TMEFF1: variants seen among roughly 807,000 people sequenced by gnomAD.
TMEFF1 encodes the protein tomoregulin-1.
TMEFF1 carries 20 observed loss-of-function variants against 47.5 expected under a neutral mutation model. The ratio of observed to expected loss-of-function variants is 0.42; its 90% CI spans 0.30 to 0.61. The LOEUF (loss-of-function observed/expected upper bound fraction) is 0.61. Among genes scored for constraint, TMEFF1 ranks in the 20% least tolerant of loss-of-function variants. TMEFF1 has a pLI of 0.19. For missense variants in TMEFF1, 411 were observed against 471.1 expected, an observed-to-expected ratio of 0.87 and a Z score of 1.18; for synonymous variants, 162 against 166.3, an observed-to-expected ratio of 0.97 and a Z score of 0.20.
chr9:100,532,217 C>T (rs1382223951), intron 5 of TMEFF1, among the ~76,000 whole-genome samples: 2 of 151,808 alleles, frequency 1.3e-5, no homozygotes, highest in African/African-American at 2.4e-5. Flanking sequence ...AAAGCAATGG[C>T]AACAAAAGCC....
chr9:100,476,714 T>TTTGG (rs1837236490), intron 1 of TMEFF1, among the ~76,000 whole-genome samples: 1 of 150,524 alleles, frequency 6.6e-6, no homozygotes, highest in Non-Finnish European at 1.5e-5. Flanking sequence ...TTTTTTTTTT[T>TTTGG]GAGACGGAGT....
At chr9:100,565,807 A>G (rs1378723441) in intron 8 of TMEFF1, among the ~76,000 whole-genome samples, 1 of 152,148 alleles carries the variant, frequency 6.6e-6, no homozygotes, top group Non-Finnish European at 1.5e-5. Context: ...ACTTTTATTT[A>G]TTCCATCTTG....
At chr9:100,481,939 G>A (rs139403771) in intron 1 of TMEFF1, among the ~76,000 whole-genome samples, 70 of 151,730 alleles carry the variant, frequency 4.6e-4, no homozygotes, top group South Asian at 8.4e-4. Context: ...ATACCACTAC[G>A]CCCAGCTAAT....
intron 5 of TMEFF1, among the ~76,000 whole-genome samples, chr9:100,532,669 A>T (rs1300859463): frequency 2.0e-5 from 3 of 151,690 alleles, no homozygotes; most frequent in South Asian, 4.2e-4. Flanking sequence ...CCATTGTGGA[A>T]GTCAGTGTGG....
At position 100,473,744 on chromosome 9, in the gene TMEFF1, G is replaced by A; in HGVS notation, c.196+4G>A. On this transcript the variant is annotated splice_donor_region_variant and intron_variant, in intron 1 of 9. Coordinates refer to ENST00000374879, the MANE Select transcript of TMEFF1 (RefSeq NM_003692.5). This position sits in a 1 kb window ranked among gnomAD's most constrained non-coding sequence, Gnocchi z 5.4. ...GGCAAGAGCATCAACTGCTCAGGTA[G>A]GACCGGTCGGAGCCGGCCCTAGGTC... 6.6e-7 allele frequency: 1 copy of A among 1,511,468 alleles called. No individual in the cohort carries two copies. Among genetic ancestry groups the A allele is most frequent in the Non-Finnish European group, 8.9e-7 (1 of 1,126,282 alleles). The allele number at this position is 1,511,468 out of a possible 1,614,324, so 93.6% of individuals were successfully genotyped here. A position where few individuals can be genotyped will look rare whatever the true frequency, so the allele number is the denominator to read the frequency against.
rs143136054 is a variant in TMEFF1 at position 100,481,450 on chromosome 9, A to G, written c.196+7710A>G. 6.7e-3 allele frequency among the ~76,000 whole-genome samples: 1,016 copies of G among 152,354 alleles called. 11 individuals are homozygous for G. Among genetic ancestry groups the G allele is most frequent in the Middle Eastern group, 0.01 (3 of 294 alleles). On this transcript the variant is annotated intron_variant, in intron 1 of 9. Transcript: ENST00000374879. ...AGGAAGGGTATTCTAGGCTGAAGGA[A>G]TAGCTTTAGGAAAGGCACAAAGGTG...
At chr9:100,534,393 C>T (rs1801683556) in intron 5 of TMEFF1, among the ~76,000 whole-genome samples, 1 of 152,064 alleles carries the variant, frequency 6.6e-6, no homozygotes, top group South Asian at 2.1e-4. Context: ...TGACTATACC[C>T]ACACAGTAGG....
intron 5 of TMEFF1, among the ~76,000 whole-genome samples, chr9:100,540,353 C>A (rs1376960996): frequency 6.6e-6 from 1 of 152,238 alleles, no homozygotes; most frequent in East Asian, 1.9e-4. Flanking sequence ...CCCCACCCGA[C>A]CTAGAAGCCC....
chr9:100,563,214 A>G (rs774921079), intron 8 of TMEFF1, among the ~76,000 whole-genome samples: 8 of 152,180 alleles, frequency 5.3e-5, no homozygotes, highest in East Asian at 1.9e-4. Flanking sequence ...CAGACTCCCA[A>G]AGTGCTAGGA....
chr9:100,530,482 C>G (rs1160999564), intron 5 of TMEFF1, among the ~76,000 whole-genome samples: 5 of 152,270 alleles, frequency 3.3e-5, no homozygotes, highest in Non-Finnish European at 7.4e-5. Flanking sequence ...ACTAGAAAAT[C>G]TAGAAGAAAT....
intron 2 of TMEFF1, among the ~76,000 whole-genome samples, chr9:100,502,420 C>T (rs2118333375): frequency 6.6e-6 from 1 of 152,078 alleles, no homozygotes; most frequent in South Asian, 2.1e-4. Context: ...AGTGCAGTGA[C>T]ACAATCATAG....
chr9:100,572,813 C>T, intron 9 of TMEFF1, 137 bp downstream of exon 9: 4 of 1,116,966 alleles, frequency 3.6e-6, no homozygotes, highest in Non-Finnish European at 4.8e-6. Context: ...CTCTCCCTAT[C>T]CTTCTTCTTT....
chr9:100,571,588 A>C (rs966408938), intron 8 of TMEFF1, among the ~76,000 whole-genome samples: 1 of 149,918 alleles, frequency 6.7e-6, no homozygotes. Context: ...GTGGTCCCCA[A>C]CCTTTTTGTT....
intron 1 of TMEFF1, among the ~76,000 whole-genome samples, chr9:100,483,531 G>A (rs1433229386): frequency 1.0e-5 from 1 of 99,210 alleles, no homozygotes; most frequent in Non-Finnish European, 2.3e-5. Flanking sequence ...AAACAAACAA[G>A]GTGTGTCATT....
intron 5 of TMEFF1, among the ~76,000 whole-genome samples, chr9:100,527,098 G>T (rs576419655): frequency 1.3e-5 from 2 of 150,524 alleles, no homozygotes; most frequent in Non-Finnish European, 1.5e-5. Flanking sequence ...AGCCAAAATC[G>T]CGCCACTGCA....
At chr9:100,574,420 T>C (rs190312861) in intron 9 of TMEFF1, among the ~76,000 whole-genome samples, 2 of 152,282 alleles carry the variant, frequency 1.3e-5, no homozygotes, top group East Asian at 3.9e-4. Context: ...GGTCTCACTC[T>C]GTCATTCAGG....
At chr9:100,574,313 G>A (rs1172180795) in intron 9 of TMEFF1, among the ~76,000 whole-genome samples, 1 of 152,182 alleles carries the variant, frequency 6.6e-6, no homozygotes, top group African/African-American at 2.4e-5. Flanking sequence ...AGTTAAATAG[G>A]AGTGAGGTAA....
chr9:100,554,663 C>T (rs936779869), intron 7 of TMEFF1, among the ~76,000 whole-genome samples: 17 of 151,290 alleles, frequency 1.1e-4, no homozygotes, highest in Admixed American at 7.9e-4. Flanking sequence ...CATTGGAGTG[C>T]GGGTAGGAGT....
chr9:100,555,267 T>A (rs377272441), intron 7 of TMEFF1, among the ~76,000 whole-genome samples: 1 of 152,176 alleles, frequency 6.6e-6, no homozygotes, highest in Non-Finnish European at 1.5e-5. Context: ...ACCACTTAGC[T>A]AAGGGCTTGT....
Sources: gnomAD v4.1 joint callset for allele counts (sites outside exome capture counted in the v4.1 genomes callset) on GRCh38, gnomAD v4.1.1 for gene constraint, Gnocchi (gnomAD v3.1) non-coding constraint, MANE v1.5 for transcripts, NCBI Gene and HGNC (gene_info 2026-07-23, HGNC 2026-07-21) for gene names.